The following SAMMSON variants were observed in gnomAD, a reference collection of about 807,000 sequenced individuals.
The protein encoded by SAMMSON is survival associated mitochondrial melanoma specific oncogenic non-coding RNA.
At chr3:70,045,139 AT>A (rs1210424903) in intron 3 of SAMMSON, among the ~76,000 whole-genome samples, 4 of 129,888 alleles carry the variant, frequency 3.1e-5, no homozygotes, top group Middle Eastern at 4.1e-3. Flanking sequence ...ATATATTATA[AT>A]TTATATATAT....
intron 4 of SAMMSON, among the ~76,000 whole-genome samples, chr3:70,114,439 G>A (rs1052026673): frequency 3.3e-5 from 5 of 152,148 alleles, no homozygotes; most frequent in Admixed American, 6.5e-5. Flanking sequence ...AAGTGAAGTA[G>A]ACACACATAA....
chr3:70,414,298 A>G (rs1482045139), intron 2 of SAMMSON, among the ~76,000 whole-genome samples: 2 of 152,170 alleles, frequency 1.3e-5, no homozygotes, highest in Non-Finnish European at 2.9e-5. Context: ...TACTATATTC[A>G]TAAAGCTTAA....
intron 1 of SAMMSON, among the ~76,000 whole-genome samples, chr3:70,001,960 A>G (rs532289578): frequency 6.6e-6 from 1 of 152,316 alleles, no homozygotes; most frequent in Non-Finnish European, 1.5e-5. Flanking sequence ...TTGCTTGCAT[A>G]AGCCAGAATT....
At chr3:70,363,905 G>C (rs773196529) in intron 9 of SAMMSON, among the ~76,000 whole-genome samples, 2 of 151,370 alleles carry the variant, frequency 1.3e-5, no homozygotes, top group African/African-American at 4.8e-5. Context: ...TTTATTTTAC[G>C]TGAGCATTTA....
At chr3:70,368,139 G>A (rs1177917117) in intron 9 of SAMMSON, among the ~76,000 whole-genome samples, 2 of 151,226 alleles carry the variant, frequency 1.3e-5, no homozygotes, top group South Asian at 2.1e-4. Context: ...TTTTAAAAAT[G>A]TTTTCTTCAG....
intron 2 of SAMMSON, among the ~76,000 whole-genome samples, chr3:70,418,729 C>A (rs1433275993): frequency 9.2e-5 from 14 of 152,218 alleles, no homozygotes; most frequent in Non-Finnish European, 1.5e-4. Flanking sequence ...CAAGCCCATT[C>A]TCTGAAACCC....
At chr3:70,091,696 T>A (rs1001042946) in intron 4 of SAMMSON, among the ~76,000 whole-genome samples, 14 of 151,918 alleles carry the variant, frequency 9.2e-5, no homozygotes, top group Non-Finnish European at 1.8e-4. Flanking sequence ...AAGCTGGGAG[T>A]GACAGGCAAA....
intron 4 of SAMMSON, among the ~76,000 whole-genome samples, chr3:70,192,252 A>G (rs1701136365): frequency 6.6e-6 from 1 of 152,164 alleles, no homozygotes; most frequent in Non-Finnish European, 1.5e-5. Flanking sequence ...CACCTCTAAT[A>G]CAGGTCCTTC....
At chr3:70,339,304 A>T (rs1702691850) in intron 7 of SAMMSON, among the ~76,000 whole-genome samples, 1 of 152,228 alleles carries the variant, frequency 6.6e-6, no homozygotes, top group African/African-American at 2.4e-5. Context: ...AAAACCCTAG[A>T]AGAAAACCTA....
At chr3:70,339,222 C>T (rs1171748050) in intron 7 of SAMMSON, among the ~76,000 whole-genome samples, 1 of 152,044 alleles carries the variant, frequency 6.6e-6, no homozygotes, top group Admixed American at 6.5e-5. Flanking sequence ...AAACTGGATC[C>T]CTTCCTTACA....
At position 70,235,109 on chromosome 3, in the gene SAMMSON, AC is replaced by A. The variant is rs554999680; in HGVS notation, n.508-13996del. Among the ~76,000 whole-genome samples, 5 of 152,046 alleles carry A rather than the reference AC, an allele frequency of 3.3e-5. No individual in the cohort carries two copies. In the South Asian group the frequency reaches 1.0e-3, roughly 32 times the overall value. On this transcript the variant is annotated intron_variant and non_coding_transcript_variant, in intron 4 of 9. Transcript: ENST00000642114. ...CCTTGTTCCTTTATGTTTTTTTCCA[AC>A]CTCTATTGGAGAAGAAGGGGCCCTC...
At chr3:70,427,135 G>A (rs56221836) in intron 2 of SAMMSON, among the ~76,000 whole-genome samples, 1 of 152,166 alleles carries the variant, frequency 6.6e-6, no homozygotes, top group Non-Finnish European at 1.5e-5. Flanking sequence ...AATGTGATCA[G>A]ATTTAAGAGA....
intron 4 of SAMMSON, among the ~76,000 whole-genome samples, chr3:70,166,968 T>C (rs1029770358): frequency 7.2e-5 from 11 of 152,034 alleles, no homozygotes; most frequent in Non-Finnish European, 1.2e-4. Flanking sequence ...AATAGAAATA[T>C]AAGGTAAGCC....
intron 4 of SAMMSON, among the ~76,000 whole-genome samples, chr3:70,108,441 T>TTTTTTTTTTTTTTTTTTA (rs1553715435): frequency 5.5e-5 from 8 of 146,342 alleles, no homozygotes; most frequent in African/African-American, 1.6e-4. Flanking sequence ...TTTTTTTTTT[T>TTTTTTTTTTTTTTTTTTA]ATCATAACTC....
chr3:70,262,735 A>G (rs1216247016), intron 6 of SAMMSON, among the ~76,000 whole-genome samples: 1 of 152,122 alleles, frequency 6.6e-6, no homozygotes, highest in Non-Finnish European at 1.5e-5. Flanking sequence ...GGGATCTGTA[A>G]GTTTATAGTT....
intron 3 of SAMMSON, chr3:70,015,168 C>G (rs1353258636): frequency 1.3e-5 from 2 of 152,304 alleles, no homozygotes; most frequent in African/African-American, 4.8e-5. Context: ...GTAGTCCCAG[C>G]TACTAGGGAG....
chr3:70,227,451 A>T (rs1162831860), intron 4 of SAMMSON, among the ~76,000 whole-genome samples: 1 of 152,206 alleles, frequency 6.6e-6, no homozygotes, highest in Non-Finnish European at 1.5e-5. Flanking sequence ...CAGGAAAAAC[A>T]GACCACTGAC....
intron 1 of SAMMSON, among the ~76,000 whole-genome samples, chr3:70,007,566 T>A (rs1231160133): frequency 1.3e-5 from 2 of 152,190 alleles, no homozygotes; most frequent in East Asian, 1.9e-4. Context: ...ATGAGTAGAC[T>A]GCAAAAATTT....
chr3:70,424,043 G>A (rs573847789), intron 2 of SAMMSON, among the ~76,000 whole-genome samples: 11 of 152,096 alleles, frequency 7.2e-5, no homozygotes, highest in Admixed American at 5.9e-4. Flanking sequence ...TCATAATGAA[G>A]CAAATTAATT....
Sources: gnomAD v4.1 joint callset for allele counts (sites outside exome capture counted in the v4.1 genomes callset) on GRCh38, gnomAD v4.1.1 for gene constraint, MANE v1.5 for transcripts, NCBI Gene and HGNC (gene_info 2026-07-23, HGNC 2026-07-21) for gene names.